Variants in GPC6 observed in about 807,000 individuals in gnomAD.
GPC6 encodes glypican 6, also known as glypican-6.
In GPC6, 14 loss-of-function variants were observed where a neutral mutation model predicts 55.2. The ratio of observed to expected loss-of-function variants is 0.25; its 90% CI spans 0.17 to 0.40. The LOEUF (loss-of-function observed/expected upper bound fraction) is 0.40, where lower values mean the gene tolerates loss of function less well. Ranked by LOEUF, GPC6 falls within the 10% of genes least tolerant of loss-of-function variation. GPC6 has a pLI of 1.00. For missense variants in GPC6, 641 were observed against 708.5 expected, an observed-to-expected ratio of 0.90 and a Z score of 1.08; for synonymous variants, 278 against 259.6, an observed-to-expected ratio of 1.07 and a Z score of -0.68.
intron 1 of GPC6, among the ~76,000 whole-genome samples, chr13:93,482,323 C>G (rs1879551125): frequency 6.6e-6 from 1 of 151,972 alleles, no homozygotes; most frequent in South Asian, 2.1e-4. Context: ...AATATTGTAT[C>G]TTTATTTCTT....
At chr13:93,969,594 CT>C (rs925928985) in intron 3 of GPC6, among the ~76,000 whole-genome samples, 29 of 148,886 alleles carry the variant, frequency 1.9e-4, no homozygotes, top group Admixed American at 4.7e-4. Context: ...CAAACTAAGA[CT>C]TTTTTTTTTA....
At chr13:94,239,758 G>A (rs757038693) in intron 4 of GPC6, among the ~76,000 whole-genome samples, 2 of 152,070 alleles carry the variant, frequency 1.3e-5, no homozygotes, top group Non-Finnish European at 1.5e-5. Context: ...CAGTTGTTTA[G>A]GAATTCTATA....
intron 3 of GPC6, among the ~76,000 whole-genome samples, chr13:93,865,403 C>A (rs548321631): frequency 6.6e-6 from 1 of 151,702 alleles, no homozygotes. Context: ...TGATGGACAG[C>A]GTGAGACACC....
intron 1 of GPC6, among the ~76,000 whole-genome samples, chr13:93,298,487 T>G (rs1200123890): frequency 6.6e-6 from 1 of 152,140 alleles, no homozygotes; most frequent in Non-Finnish European, 1.5e-5. Flanking sequence ...CAGGTTGGAG[T>G]GCAGTGGTGC....
intron 4 of GPC6, among the ~76,000 whole-genome samples, chr13:94,218,463 G>C (rs1371028229): frequency 1.3e-5 from 2 of 152,148 alleles, no homozygotes; most frequent in Non-Finnish European, 2.9e-5. Context: ...TCACTTCTTT[G>C]ACAAAGACTT....
intron 1 of GPC6, among the ~76,000 whole-genome samples, chr13:93,474,278 G>C (rs1879226997): frequency 6.6e-6 from 1 of 152,028 alleles, no homozygotes; most frequent in African/African-American, 2.4e-5. Flanking sequence ...TTGAGTCCTG[G>C]GTGGTAGACT....
chr13:94,084,377 A>G lies in GPC6; in HGVS notation c.877+56483A>G, dbSNP rs531913200. On this transcript the variant is annotated intron_variant, in intron 4 of 8. Transcript: ENST00000377047. ...TTGCCTAGTAATGCAACTTCATTAT[A>G]TATATTCTATTTGAGAAAGGAGGAA... is the stretch of plus-strand genomic sequence containing the variant. 5.3e-5 allele frequency among the ~76,000 whole-genome samples: 8 copies of G among 152,282 alleles called. No homozygotes were observed. In the South Asian group the frequency reaches 1.2e-3, roughly 24 times the overall value.
chr13:93,646,526 G>A (rs771562733), intron 2 of GPC6, among the ~76,000 whole-genome samples: 1 of 152,040 alleles, frequency 6.6e-6, no homozygotes, highest in Non-Finnish European at 1.5e-5. Flanking sequence ...GAATGTAGAC[G>A]AGAAAGTAAT....
intron 4 of GPC6, among the ~76,000 whole-genome samples, chr13:94,235,083 A>G (rs1157512044): frequency 2.0e-5 from 3 of 152,094 alleles, no homozygotes; most frequent in South Asian, 4.1e-4. Context: ...TTGTTAAGGG[A>G]GTAAATTTAC....
intron 1 of GPC6, among the ~76,000 whole-genome samples, chr13:93,313,045 A>G (rs1879127466): frequency 6.6e-6 from 1 of 152,184 alleles, no homozygotes; most frequent in African/African-American, 2.4e-5. Context: ...AAGACTTCAC[A>G]TGACATTGTC....
intron 6 of GPC6, among the ~76,000 whole-genome samples, chr13:94,311,861 G>A (rs1390510706): frequency 6.6e-6 from 1 of 152,128 alleles, no homozygotes; most frequent in African/African-American, 2.4e-5. Flanking sequence ...AGAGGGAAAG[G>A]GGAGGGGAAA....
chr13:94,156,669 G>C (rs1479076096), intron 4 of GPC6, among the ~76,000 whole-genome samples: 1 of 152,154 alleles, frequency 6.6e-6, no homozygotes, highest in African/African-American at 2.4e-5. Flanking sequence ...ATCAGTACAG[G>C]GCTCAGTGTC....
At chr13:93,944,934 T>G (rs1878930526) in intron 3 of GPC6, among the ~76,000 whole-genome samples, 1 of 152,118 alleles carries the variant, frequency 6.6e-6, no homozygotes, top group Non-Finnish European at 1.5e-5. Context: ...GGATTTTCCT[T>G]TGACCACATA....
intron 4 of GPC6, among the ~76,000 whole-genome samples, chr13:94,148,731 C>T (rs973790704): frequency 2.0e-5 from 3 of 152,020 alleles, no homozygotes; most frequent in Non-Finnish European, 4.4e-5. Flanking sequence ...AAAGCAGAAG[C>T]ACTAATGATG....
rs186622816 is a variant in GPC6, at chr13:94,164,677, A to C, written c.878-121672A>C. On this transcript the variant is annotated intron_variant, in intron 4 of 8. Transcript: ENST00000377047. ...TGGGATAATAATTGGGATGATTTCT[A>C]CAGTGATAGAGCGGATAACAGGGAT... Among the ~76,000 whole-genome samples, 160 of 152,320 alleles carry C rather than the reference A, an allele frequency of 1.1e-3. 1 individual carries two copies. Among genetic ancestry groups the C allele is most frequent in the East Asian group, 7.9e-3 (41 of 5,186 alleles).
At chr13:93,368,183 A>G (rs1881316248) in intron 1 of GPC6, among the ~76,000 whole-genome samples, 1 of 151,812 alleles carries the variant, frequency 6.6e-6, no homozygotes, top group African/African-American at 2.4e-5. Context: ...GTTCTTCTCT[A>G]TGTTCAATAA....
chr13:94,221,613 C>G (rs1890386924), intron 4 of GPC6, among the ~76,000 whole-genome samples: 1 of 152,108 alleles, frequency 6.6e-6, no homozygotes, highest in Non-Finnish European at 1.5e-5. Flanking sequence ...TACTTTTACA[C>G]TAACCTCATA....
chr13:93,893,566 A>G (rs1208592512), intron 3 of GPC6, among the ~76,000 whole-genome samples: 1 of 152,138 alleles, frequency 6.6e-6, no homozygotes, highest in Non-Finnish European at 1.5e-5. Context: ...CTTGTGTTCA[A>G]GTTGTCCAAT....
intron 1 of GPC6, among the ~76,000 whole-genome samples, chr13:93,311,353 T>C (rs1319208291): frequency 6.6e-6 from 1 of 152,204 alleles, no homozygotes; most frequent in African/African-American, 2.4e-5. Flanking sequence ...GCTATTTGAA[T>C]ATAGCTGGCA....
Sources: gnomAD v4.1 joint callset for allele counts (sites outside exome capture counted in the v4.1 genomes callset) on GRCh38, gnomAD v4.1.1 for gene constraint, MANE v1.5 for transcripts, NCBI Gene and HGNC (gene_info 2026-07-23, HGNC 2026-07-21) for gene names.